Variants in NCAM1 observed in about 807,000 individuals in gnomAD.
NCAM1 encodes antigen recognized by monoclonal antibody 5.1H11.
A neutral mutation model predicts 109.8 loss-of-function variants in NCAM1; 14 were observed. The observed-to-expected ratio is 0.13, with a 90% CI of 0.08 to 0.20. The LOEUF is 0.20. Ranked by LOEUF, NCAM1 falls within the 10% of genes least tolerant of loss-of-function variation. The pLI is 1.00. For synonymous variants in NCAM1, 418 were observed against 442.9 expected (o/e 0.94, Z 0.70); for missense variants, 774 against 1,109.9 (o/e 0.70, Z 4.30).
chr11:113,268,881 T>G (rs1210015171), intron 17 of NCAM1, among the ~76,000 whole-genome samples: 1 of 152,076 alleles, frequency 6.6e-6, no homozygotes, highest in Admixed American at 6.6e-5. Context: ...CCCCAGGTAG[T>G]GCTGGCTACA....
At position 113,271,823 on chromosome 11, in the gene NCAM1, T is replaced by C. The variant is rs1555125439; in HGVS notation, c.2403T>C (p.His801=). ...VRTEEERTPN[H]DGGKHTEPNE... ...CGGAGGAGGAGAGGACCCCAAACCA[T>C]GATGGAGGGAAACACACAGAGCCCA... The change falls in exon 19 of 20, where the codon CAT becomes CAC. Residue 801 remains histidine, a synonymous_variant. Transcript: ENST00000316851. 6.4e-6 allele frequency: 10 copies of C among 1,572,922 alleles called. No individual in the cohort carries two copies. The highest frequency in any genetic ancestry group is 7.8e-6 in the Non-Finnish European group (9 of 1,159,654).
chr11:113,073,537 T>C (rs1938391385), intron 1 of NCAM1, among the ~76,000 whole-genome samples: 1 of 152,234 alleles, frequency 6.6e-6, no homozygotes, highest in Non-Finnish European at 1.5e-5. Context: ...ATTTTTAGCA[T>C]GGCATTCGAC....
chr11:113,142,072 C>T (rs1941850175), intron 1 of NCAM1, among the ~76,000 whole-genome samples: 1 of 151,884 alleles, frequency 6.6e-6, no homozygotes, highest in Admixed American at 6.5e-5. Flanking sequence ...GACATACAGT[C>T]AAACACGTTG....
intron 1 of NCAM1, among the ~76,000 whole-genome samples, chr11:113,187,727 T>C (rs1019903876): frequency 6.6e-6 from 1 of 152,198 alleles, no homozygotes; most frequent in Non-Finnish European, 1.5e-5. Flanking sequence ...TAGTCACTTA[T>C]ACCTCCAGAG....
chr11:113,234,254 C>A (rs563335692), intron 13 of NCAM1, among the ~76,000 whole-genome samples: 3,492 of 138,144 alleles, frequency 0.025, 130 homozygotes, highest in African/African-American at 0.086. Flanking sequence ...TCTGTCCACC[C>A]GACTTTTTTT....
chr11:112,962,237 G>T lies in NCAM1; in HGVS notation c.52+573G>T, dbSNP rs1950584931. Among the ~76,000 whole-genome samples, 2 of 152,228 alleles carry T rather than the reference G, an allele frequency of 1.3e-5. No homozygotes were observed. The highest frequency in any genetic ancestry group is 4.8e-5 in the African/African-American group (2 of 41,458). On this transcript the variant is annotated intron_variant, in intron 1 of 19. Coordinates refer to ENST00000316851, the MANE Select transcript of NCAM1 (RefSeq NM_181351.5). This position sits in a 1 kb window ranked among gnomAD's most constrained non-coding sequence, Gnocchi z 5.6. ...AAAATGGGGCAAAATGGGCAGAATC[G>T]CACGGCCGTTGTTGTTGGTGTGACC...
intron 1 of NCAM1, among the ~76,000 whole-genome samples, chr11:113,030,916 T>C (rs537748018): frequency 4.6e-4 from 70 of 152,224 alleles, no homozygotes; most frequent in Non-Finnish European, 9.1e-4. Flanking sequence ...CCCTTATGTA[T>C]GAAACCTTTT....
intron 9 of NCAM1, among the ~76,000 whole-genome samples, chr11:113,227,982 A>G (rs1205211593): frequency 2.0e-5 from 3 of 152,234 alleles, no homozygotes; most frequent in African/African-American, 7.2e-5. Flanking sequence ...TATCATACTG[A>G]ATGGGCAAAA....
chr11:113,159,850 T>TC (rs1942540707), intron 1 of NCAM1, among the ~76,000 whole-genome samples: 1 of 105,386 alleles, frequency 9.5e-6, no homozygotes, highest in African/African-American at 3.7e-5. Context: ...ATGCTATCCC[T>TC]CCCCCCTCCC....
chr11:113,038,349 C>A (rs561044905), intron 1 of NCAM1, among the ~76,000 whole-genome samples: 2 of 152,198 alleles, frequency 1.3e-5, no homozygotes, highest in African/African-American at 4.8e-5. Context: ...TCATGCCATC[C>A]TTTCCAAGGA....
rs782632084 is a variant in NCAM1, at chr11:113,206,081, C to T, written c.529C>T (p.Arg177Trp). 6 of 1,613,880 alleles carry T rather than the reference C, an allele frequency of 3.7e-6. No individual in the cohort carries two copies. The highest frequency in any genetic ancestry group is 5.1e-6 in the Non-Finnish European group (6 of 1,179,846). Reference sequence around the variant, plus strand: ...CCTGTCCAACAACTACCTGCAGATCCGGGGCATCAAGAAAACAGATGAGGG... The same window carrying T: ...CCTGTCCAACAACTACCTGCAGATCTGGGGCATCAAGAAAACAGATGAGGG... ...IVLSNNYLQI[R>W]GIKKTDEGTY... The change falls in exon 5 of 20, where the codon CGG becomes TGG. Residue 177 changes from arginine to tryptophan, a missense_variant. By Grantham distance (101) the Arg-to-Trp change is moderately radical. Coordinates refer to ENST00000316851, the MANE Select transcript of NCAM1 (RefSeq NM_181351.5).
intron 1 of NCAM1, among the ~76,000 whole-genome samples, chr11:113,049,025 T>G (rs1555081351): frequency 6.6e-6 from 1 of 152,158 alleles, no homozygotes; most frequent in Non-Finnish European, 1.5e-5. Flanking sequence ...TAGAGTCAGC[T>G]TAGACCTTTT....
At chr11:113,074,598 T>G (rs2135596266) in intron 1 of NCAM1, among the ~76,000 whole-genome samples, 1 of 152,326 alleles carries the variant, frequency 6.6e-6, no homozygotes, top group East Asian at 1.9e-4. Context: ...AATGTGCTAG[T>G]ATTATTGAGG....
rs1306425623 is a variant in NCAM1, at chr11:113,277,953, C to G, written c.*2566C>G. ...TATCTTTTATGTTAAGAGATCAAAG[C>G]TTATAATTTTCTTTTTTAATTTTTG... On this transcript the variant is annotated 3_prime_UTR_variant, in exon 20 of 20. Coordinates refer to ENST00000316851, the MANE Select transcript of NCAM1 (RefSeq NM_181351.5). 7.0e-6 allele frequency: 1 copy of G among 143,250 alleles called. No homozygotes were observed. Among genetic ancestry groups the G allele is most frequent in the East Asian group, 2.1e-4 (1 of 4,754 alleles). The allele number at this position is 143,250 out of a possible 1,614,324, so 8.9% of individuals were successfully genotyped here.
In NCAM1 at chr11:113,273,558, A is replaced by G; in HGVS notation, c.2456+1682A>G. 1 of 400,092 alleles carries G rather than the reference A, an allele frequency of 2.5e-6. No individual in the cohort carries two copies. The highest frequency in any genetic ancestry group is 1.8e-5 in the South Asian group (1 of 56,670). 24.8% of individuals were successfully genotyped at this position (400,092 alleles called of 1,614,324 possible). A position where few individuals can be genotyped will look rare whatever the true frequency, so the allele number is the denominator to read the frequency against. On this transcript the variant is annotated intron_variant, in intron 19 of 19. Coordinates refer to ENST00000316851, the MANE Select transcript of NCAM1 (RefSeq NM_181351.5). The surrounding 1 kb of genome is among the most constrained non-coding windows in gnomAD (Gnocchi z 6.0). The stretch of plus-strand genomic sequence containing the variant: ...GAGCGAGGCTGCCTCCGTCAGCACC[A>G]CAAACCCTTCCCAGGGCGAGGACTT...
chr11:113,207,000 C>T (rs1242121587), intron 5 of NCAM1, among the ~76,000 whole-genome samples: 1 of 152,096 alleles, frequency 6.6e-6, no homozygotes, highest in Non-Finnish European at 1.5e-5. Context: ...AATTGAATAC[C>T]ATCTTAACAT....
chr11:113,096,997 AC>A (rs151059346), intron 1 of NCAM1, among the ~76,000 whole-genome samples: 60 of 151,386 alleles, frequency 4.0e-4, no homozygotes, highest in African/African-American at 1.4e-3. Flanking sequence ...CATTTGTTGA[AC>A]CCCCCCTGCC....
chr11:113,081,628 G>C (rs1938824345), intron 1 of NCAM1, among the ~76,000 whole-genome samples: 1 of 151,956 alleles, frequency 6.6e-6, no homozygotes, highest in East Asian at 1.9e-4. Flanking sequence ...TCTGCCTCTG[G>C]GTATAAGTGA....
intron 14 of NCAM1, chr11:113,246,128 T>G (rs1945495391): frequency 7.5e-6 from 4 of 534,822 alleles, no homozygotes; most frequent in Non-Finnish European, 1.3e-5. Context: ...GCAGTTTCAC[T>G]GCCCTCCCAA....
Sources: allele counts gnomAD v4.1 joint callset (sites outside exome capture counted in the v4.1 genomes callset), GRCh38; gene constraint gnomAD v4.1.1; non-coding constraint Gnocchi (gnomAD v3.1); transcripts MANE v1.5; gene names NCBI Gene and HGNC (gene_info 2026-07-23, HGNC 2026-07-21).